The following SYNE1 variants were observed in gnomAD, a reference collection of about 807,000 sequenced individuals.
SYNE1 encodes the protein nesprin-1.
A neutral mutation model predicts 1,111.0 loss-of-function variants in SYNE1; 616 were observed. That is an observed-to-expected ratio of 0.55 (90% CI 0.52 to 0.59). The LOEUF (loss-of-function observed/expected upper bound fraction) is 0.59, where lower values mean the gene tolerates loss of function less well. SYNE1 is among the 20% of genes least tolerant of loss of function. The pLI is 0.00. For synonymous variants in SYNE1, 3,855 were observed against 3,825.8 expected (o/e 1.01, Z -0.28); for missense variants, 10,006 against 10,417.0 (o/e 0.96, Z 1.72).
In SYNE1 at chr6:152,464,744, A is replaced by G. The variant is rs143835134; in HGVS notation, c.1932+514T>C. On this transcript the variant is annotated intron_variant, in intron 18 of 145. Transcript: ENST00000367255. ...ACATTAACATAAAACAGTAACTCTC[A>G]CAGGCACACACACATACACACTTAT... 4.2e-5 allele frequency: 7 copies of G among 166,502 alleles called. No homozygotes were observed. In the East Asian group the frequency reaches 1.1e-3, roughly 27 times the overall value. 10.3% of individuals were successfully genotyped at this position (166,502 alleles called of 1,614,324 possible).
At chr6:152,182,824 C>T (rs1326521085) in intron 128 of SYNE1, among the ~76,000 whole-genome samples, 1 of 152,132 alleles carries the variant, frequency 6.6e-6, no homozygotes, top group Non-Finnish European at 1.5e-5. Flanking sequence ...GAAAGGCCAC[C>T]ATGAGAAATT....
rs372138410 is a variant in SYNE1 at position 152,373,031 on chromosome 6, A to C, written c.9507+6T>G. The C allele has an allele frequency of 1.2e-6, 2 of 1,613,754 alleles. No individual in the cohort carries two copies. The stretch of plus-strand genomic sequence containing the variant: ...AGAATGCTTCCATGTGGTTGGCTAT[A>C]TATACCTCTAGAGCAGATTCTTTTT... On this transcript the variant is annotated splice_donor_region_variant and intron_variant, in intron 59 of 145. Coordinates refer to ENST00000367255, the MANE Select transcript of SYNE1 (RefSeq NM_182961.4).
rs542242834 is a variant in SYNE1 at position 152,295,119 on chromosome 6, C to T, written c.17683-992G>A. 5.9e-5 allele frequency among the ~76,000 whole-genome samples: 9 copies of T among 152,262 alleles called. 1 individual carries two copies. In the South Asian group the frequency reaches 8.3e-4, roughly 14 times the overall value. ...CAGACTGGGACAGCTGAGATTCTAG[C>T]GAAATTCTCCTCTTGTGTAGCTATA... On this transcript the variant is annotated intron_variant, in intron 93 of 145. Transcript: ENST00000367255.
intron 42 of SYNE1, among the ~76,000 whole-genome samples, chr6:152,411,378 C>T (rs927621688): frequency 6.6e-6 from 1 of 152,078 alleles, no homozygotes; most frequent in Non-Finnish European, 1.5e-5. Flanking sequence ...ACCAGAGCTG[C>T]CAGCAAAGTC....
intron 42 of SYNE1, 145 bp from the exon 43 acceptor site, chr6:152,409,854 C>T (rs2097986888): frequency 1.2e-6 from 1 of 836,550 alleles, no homozygotes; most frequent in South Asian, 1.6e-5. Context: ...ACTAGTGCTG[C>T]TGGTTAATCC....
At chr6:152,480,170 A>C (rs1445796203) in intron 14 of SYNE1, among the ~76,000 whole-genome samples, 1 of 152,222 alleles carries the variant, frequency 6.6e-6, no homozygotes, top group Admixed American at 6.5e-5. Flanking sequence ...GTGTTACATC[A>C]AATCGAGAGA....
intron 77 of SYNE1, among the ~76,000 whole-genome samples, chr6:152,332,184 G>C (rs2096264783): frequency 6.6e-6 from 1 of 152,150 alleles, no homozygotes; most frequent in Admixed American, 6.5e-5. Flanking sequence ...ATGTTGGTCA[G>C]GCTGGTCTCT....
At chr6:152,483,608 A>C (rs2098921515) in intron 13 of SYNE1, among the ~76,000 whole-genome samples, 2 of 152,186 alleles carry the variant, frequency 1.3e-5, no homozygotes, top group African/African-American at 4.8e-5. Flanking sequence ...TGGAGGATGC[A>C]GCAGTTATAC....
intron 73 of SYNE1, 105 bp downstream of exon 73, chr6:152,346,954 C>T (rs929399500): frequency 5.0e-6 from 7 of 1,406,272 alleles, no homozygotes; most frequent in African/African-American, 2.9e-5. Context: ...CACACCAAAA[C>T]GAATCCAAAG....
intron 3 of SYNE1, among the ~76,000 whole-genome samples, chr6:152,574,018 C>T (rs1202706416): frequency 2.0e-5 from 3 of 151,984 alleles, no homozygotes; most frequent in Non-Finnish European, 4.4e-5. Flanking sequence ...TGAGTCATCT[C>T]TTTATGAGTT....
chr6:152,336,823 G>A lies in SYNE1; in HGVS notation c.12528+18C>T, dbSNP rs777418010. ...TGTTGGCCTCTTTTATCTCCCTTGG[G>A]GGCAAATTAATTCCCACCTTAACTT... On this transcript the variant is annotated intron_variant, in intron 76 of 145. Transcript: ENST00000367255. The A allele has an allele frequency of 5.0e-6, 8 of 1,611,074 alleles. No individual in the cohort carries two copies. Among genetic ancestry groups the A allele is most frequent in the Non-Finnish European group, 6.8e-6 (8 of 1,179,962 alleles).
At chr6:152,503,312 A>G (rs2099040217) in intron 9 of SYNE1, among the ~76,000 whole-genome samples, 1 of 152,168 alleles carries the variant, frequency 6.6e-6, no homozygotes, top group African/African-American at 2.4e-5. Context: ...TTTGTGGAGC[A>G]TTCTCTCCAA....
chr6:152,304,224 A>G (rs1029470749), intron 91 of SYNE1, among the ~76,000 whole-genome samples: 6 of 152,338 alleles, frequency 3.9e-5, no homozygotes, highest in Admixed American at 6.5e-5. Context: ...CAACTAGTTA[A>G]TACTAGAAAA....
At chr6:152,222,998 C>T (rs937586841) in intron 117 of SYNE1, among the ~76,000 whole-genome samples, 2 of 152,128 alleles carry the variant, frequency 1.3e-5, no homozygotes, top group African/African-American at 4.8e-5. Flanking sequence ...AGGTGACAGA[C>T]TCAGTTCTTC....
chr6:152,353,366 T>C lies in SYNE1; in HGVS notation c.11150A>G (p.Tyr3717Cys). 6.2e-7 allele frequency: 1 copy of C among 1,614,184 alleles called. No individual in the cohort carries two copies. Among genetic ancestry groups the C allele is most frequent in the Non-Finnish European group, 8.5e-7 (1 of 1,180,016 alleles). ...LEESESSLSSYSDWYGSTHKN... is the reference protein window; with the variant it reads ...LEESESSLSSCSDWYGSTHKN... Reference sequence around the variant, plus strand: ...ATGAGTAGAGCCATACCAATCAGAATAGGAACTGAGGGATGATTCTGATTC... The same window carrying C: ...ATGAGTAGAGCCATACCAATCAGAACAGGAACTGAGGGATGATTCTGATTC... The change falls in exon 69 of 146, where the codon TAT becomes TGT. Residue 3717 changes from tyrosine to cysteine, a missense_variant. Coordinates refer to ENST00000367255, the MANE Select transcript of SYNE1 (RefSeq NM_182961.4).
chr6:152,505,175 T>C (rs1383861581), intron 9 of SYNE1, 26 bp downstream of exon 9: 2 of 1,612,660 alleles, frequency 1.2e-6, no homozygotes, highest in Non-Finnish European at 1.7e-6. Flanking sequence ...TTAAGGTATA[T>C]AACAGTCAAT....
chr6:152,278,636 G>C (rs1033589705), intron 97 of SYNE1, among the ~76,000 whole-genome samples: 4 of 151,922 alleles, frequency 2.6e-5, no homozygotes, highest in Non-Finnish European at 5.9e-5. Flanking sequence ...CTACTGTTTT[G>C]TTTTTTAGTA....
rs540952817 is a variant in SYNE1 at position 152,506,904 on chromosome 6, TATC to T, written c.582-1510_582-1508del. On this transcript the variant is annotated intron_variant, in intron 8 of 145. Coordinates refer to ENST00000367255, the MANE Select transcript of SYNE1 (RefSeq NM_182961.4). ...TCCTTAAATTTTATTGTAGACAACT[TATC>T]ATTCACTTTAAAACATGTTTTACCA... is the stretch of plus-strand genomic sequence containing the variant. Among the ~76,000 whole-genome samples the T allele has an allele frequency of 5.9e-5, 9 of 152,276 alleles. No individual in the cohort carries two copies. In the South Asian group the frequency reaches 1.5e-3, roughly 25 times the overall value.
chr6:152,526,216 C>G, intron 4 of SYNE1, 41 bp from the exon 5 acceptor site: 2 of 1,572,074 alleles, frequency 1.3e-6, no homozygotes, highest in East Asian at 4.5e-5. Context: ...AATATCTCTT[C>G]CCTCTCTGTT....
Sources: gnomAD v4.1 joint callset for allele counts (sites outside exome capture counted in the v4.1 genomes callset) on GRCh38, gnomAD v4.1.1 for gene constraint, MANE v1.5 for transcripts, NCBI Gene and HGNC (gene_info 2026-07-23, HGNC 2026-07-21) for gene names.